ZDHHC11B: variants seen among roughly 807,000 people sequenced by gnomAD.
ZDHHC11B encodes the protein probable palmitoyltransferase ZDHHC11B.
A neutral mutation model predicts 42.3 loss-of-function variants in ZDHHC11B; 17 were observed. The ratio of observed to expected loss-of-function variants is 0.40; its 90% CI spans 0.27 to 0.60. The LOEUF is 0.60. ZDHHC11B is among the 20% of genes least tolerant of loss of function. The pLI, the probability that ZDHHC11B is intolerant of heterozygous loss-of-function variation, is 0.41. For synonymous variants in ZDHHC11B, 123 were observed against 193.5 expected, an observed-to-expected ratio of 0.64 and a Z score of 3.02; for missense variants, 262 against 463.2, an observed-to-expected ratio of 0.57 and a Z score of 3.99.
intron 11 of ZDHHC11B, among the ~76,000 whole-genome samples, chr5:730,826 A>G (rs1477222849): frequency 6.6e-6 from 1 of 151,842 alleles, no homozygotes; most frequent in Non-Finnish European, 1.5e-5. Flanking sequence ...AGGGGAGATT[A>G]TAACAAAGAC....
intron 1 of ZDHHC11B, among the ~76,000 whole-genome samples, chr5:783,959 A>G (rs1737066344): frequency 6.7e-6 from 1 of 150,282 alleles, no homozygotes; most frequent in Non-Finnish European, 1.5e-5. Context: ...GGCTCCGTTT[A>G]CGTAACCGAA....
Position 766,734 on chromosome 5 carries a change from G to C in ZDHHC11B, c.186C>G (p.Pro62=). 1.2e-6 allele frequency: 2 copies of C among 1,611,798 alleles called. No homozygotes were observed. Among genetic ancestry groups the C allele is most frequent in the East Asian group, 2.2e-5 (1 of 44,832 alleles). ...LSLATFRIFI[P]LLPHSWKYIA... is the part of the protein sequence containing the mutation. ...TGTATTTCCACGAGTGAGGCAGGAG[G>C]GGAATGAAGATCCTGAAGGTGGCCA... is the stretch of plus-strand genomic sequence containing the variant. Residue 62 remains proline (P), a synonymous_variant, in exon 4 of 14, where the codon CCC becomes CCG. Transcript: ENST00000508859.
intron 4 of ZDHHC11B, among the ~76,000 whole-genome samples, chr5:759,977 G>C (rs1734379493): frequency 6.6e-6 from 1 of 151,918 alleles, no homozygotes; most frequent in Non-Finnish European, 1.5e-5. Context: ...ATGCCGTCCT[G>C]AGCCCAGCGC....
At chr5:760,354 A>G (rs1257629766) in intron 4 of ZDHHC11B, among the ~76,000 whole-genome samples, 1 of 151,702 alleles carries the variant, frequency 6.6e-6, no homozygotes, top group Non-Finnish European at 1.5e-5. Flanking sequence ...GCATCTTTAC[A>G]AAAACGGGAA....
chr5:784,007 GC>G (rs1218392616), intron 1 of ZDHHC11B, among the ~76,000 whole-genome samples: 6 of 151,442 alleles, frequency 4.0e-5, no homozygotes, highest in African/African-American at 1.5e-4. Flanking sequence ...CTCGGGCGCT[GC>G]TCCCAGGGGT....
rs1184703813 is a variant in ZDHHC11B at position 763,098 on chromosome 5, G to A, written c.222+3600C>T. Among the ~76,000 whole-genome samples, 64 of 151,960 alleles carry A rather than the reference G, an allele frequency of 4.2e-4. 1 individual carries two copies. The highest frequency in any genetic ancestry group is 1.3e-3 in the African/African-American group (53 of 41,426). ...AAAACACAACCTATCAGCTAGGCGCGGTGGCTCACGCCTATAATCCCAGCA... is the reference window on the plus strand; with the variant it reads ...AAAACACAACCTATCAGCTAGGCGCAGTGGCTCACGCCTATAATCCCAGCA... On this transcript the variant is annotated intron_variant, in intron 4 of 13. Transcript: ENST00000508859.
intron 1 of ZDHHC11B, among the ~76,000 whole-genome samples, chr5:778,715 C>T (rs1374549434): frequency 1.3e-5 from 2 of 151,760 alleles, no homozygotes; most frequent in African/African-American, 4.8e-5. Context: ...GAAATGAGAT[C>T]ATCTTGGATT....
chr5:777,373 T>A (rs1056709308), intron 1 of ZDHHC11B, among the ~76,000 whole-genome samples: 1 of 151,834 alleles, frequency 6.6e-6, no homozygotes, highest in Non-Finnish European at 1.5e-5. Flanking sequence ...GTTCGCTCCC[T>A]CCGGTGGGCT....
intron 1 of ZDHHC11B, among the ~76,000 whole-genome samples, chr5:774,562 A>G (rs1736311739): frequency 7.8e-6 from 1 of 127,660 alleles, no homozygotes; most frequent in Non-Finnish European, 1.6e-5. Context: ...TGGAGCCTGT[A>G]ACTACGGCCT....
chr5:739,045 T>C (rs1818115), intron 10 of ZDHHC11B, among the ~76,000 whole-genome samples: 1 of 149,878 alleles, frequency 6.7e-6, no homozygotes, highest in Non-Finnish European at 1.5e-5. Flanking sequence ...CAATCTGTAC[T>C]TCTGACAAAG....
chr5:750,852 G>A (rs1745522686), intron 7 of ZDHHC11B, among the ~76,000 whole-genome samples: 1 of 128,052 alleles, frequency 7.8e-6, no homozygotes, highest in African/African-American at 2.5e-5. Flanking sequence ...GGAGGGCAGG[G>A]GCAGAGGTGG....
At chr5:772,387 C>A (rs552596002) in intron 1 of ZDHHC11B, among the ~76,000 whole-genome samples, 1 of 148,816 alleles carries the variant, frequency 6.7e-6, no homozygotes. Context: ...AGACCATCGC[C>A]GGATCTACTG....
At position 766,707 on chromosome 5, in the gene ZDHHC11B, G is replaced by A. The variant is rs543396934; in HGVS notation, c.213C>T (p.Ile71=). Residue 71 remains isoleucine, a synonymous_variant, in exon 4 of 14, where the codon ATC becomes ATT. Transcript: ENST00000508859. ...ACGATGAAAAGGATACCACATAGGC[G>A]ATGTATTTCCACGAGTGAGGCAGGA... ...IPLLPHSWKY[I]AYVVTGGIFS... The A allele has an allele frequency of 2.4e-5, 38 of 1,608,928 alleles. No homozygotes were observed. In the East Asian group the frequency reaches 6.0e-4, roughly 26 times the overall value.
At chr5:719,224 A>C (rs1208289718) in intron 12 of ZDHHC11B, among the ~76,000 whole-genome samples, 3 of 151,744 alleles carry the variant, frequency 2.0e-5, no homozygotes, top group Non-Finnish European at 1.5e-5. Flanking sequence ...GAGATACCAC[A>C]TTATGATACA....
At chr5:771,478 G>A (rs1177955453) in intron 1 of ZDHHC11B, among the ~76,000 whole-genome samples, 5 of 150,764 alleles carry the variant, frequency 3.3e-5, no homozygotes, top group South Asian at 4.3e-4. Flanking sequence ...GCAGGACCGC[G>A]TGGGGGCAGG....
chr5:744,118 G>T (rs1744473051), intron 9 of ZDHHC11B, among the ~76,000 whole-genome samples: 1 of 149,908 alleles, frequency 6.7e-6, no homozygotes, highest in Non-Finnish European at 1.5e-5. Context: ...GGACTAAGGT[G>T]CTGAGCTGTA....
At chr5:712,699 G>C (rs1182457482) in intron 13 of ZDHHC11B, among the ~76,000 whole-genome samples, 3 of 151,266 alleles carry the variant, frequency 2.0e-5, no homozygotes, top group African/African-American at 7.3e-5. Context: ...CATGAGGTCA[G>C]GAGATCGAGA....
rs1372512976 is a variant in ZDHHC11B at position 711,640 on chromosome 5, C to T, written c.*650G>A. ...TCCCATTTCCCAGTGCTGTATACTCCTATCTCCCAGTGCTGTTTGCTCCCA... is the reference window on the plus strand; with the variant it reads ...TCCCATTTCCCAGTGCTGTATACTCTTATCTCCCAGTGCTGTTTGCTCCCA... On this transcript the variant is annotated 3_prime_UTR_variant, in exon 14 of 14. Coordinates refer to ENST00000508859, the MANE Select transcript of ZDHHC11B (RefSeq NM_001351303.2). 6.9e-6 allele frequency: 1 copy of T among 144,186 alleles called. No homozygotes were observed. The highest frequency in any genetic ancestry group is 1.5e-5 in the Non-Finnish European group (1 of 67,638). 8.9% of individuals were successfully genotyped at this position (144,186 alleles called of 1,614,324 possible). A position where few individuals can be genotyped will look rare whatever the true frequency, so the allele number is the denominator to read the frequency against.
intron 4 of ZDHHC11B, among the ~76,000 whole-genome samples, chr5:760,416 C>G (rs1327363253): frequency 6.6e-6 from 1 of 151,706 alleles, no homozygotes; most frequent in East Asian, 1.9e-4. Flanking sequence ...CACGAGAAGA[C>G]GAGCCACAGA....
Sources: gnomAD v4.1 joint callset for allele counts (sites outside exome capture counted in the v4.1 genomes callset) on GRCh38, gnomAD v4.1.1 for gene constraint, MANE v1.5 for transcripts, NCBI Gene and HGNC (gene_info 2026-07-23, HGNC 2026-07-21) for gene names.